Variants in MAP2K4 observed in about 807,000 individuals in gnomAD.
MAP2K4 encodes the protein dual specificity mitogen-activated protein kinase kinase 4.
A neutral mutation model predicts 48.5 loss-of-function variants in MAP2K4; 4 were observed. The ratio of observed to expected loss-of-function variants is 0.08; its 90% CI spans 0.04 to 0.19. The LOEUF is 0.19. MAP2K4 is among the 10% of genes least tolerant of loss of function. The pLI is 1.00. For synonymous variants in MAP2K4, 166 were observed against 173.1 expected, an observed-to-expected ratio of 0.96 and a Z score of 0.32; for missense variants, 258 against 493.3, an observed-to-expected ratio of 0.52 and a Z score of 4.52.
intron 2 of MAP2K4, among the ~76,000 whole-genome samples, chr17:12,064,426 C>G (rs1046967888): frequency 2.0e-5 from 3 of 152,146 alleles, no homozygotes; most frequent in Non-Finnish European, 2.9e-5. Context: ...CTGATAGACA[C>G]TTCACAAAGA....
chr17:12,053,723 T>C (rs1356160138), intron 1 of MAP2K4, among the ~76,000 whole-genome samples: 1 of 152,058 alleles, frequency 6.6e-6, no homozygotes, highest in Non-Finnish European at 1.5e-5. Context: ...AAAGGAGGCT[T>C]ATCTTTGAAA....
At position 12,057,092 on chromosome 17, in the gene MAP2K4, TA is replaced by T. The variant is rs201275954; in HGVS notation, c.218+2111del. Among the ~76,000 whole-genome samples the T allele has an allele frequency of 2.0e-3, 305 of 150,004 alleles. 1 individual carries two copies. The highest frequency in any genetic ancestry group is 6.8e-3 in the African/African-American group (280 of 41,058). ...CTGGATGCAGGATCCTTTGCAAGAT[TA>T]AAAAAAAAATTGTAAGACAGTGTTC... On this transcript the variant is annotated intron_variant, in intron 2 of 10. Transcript: ENST00000353533.
chr17:12,131,061 C>T (rs979275192), intron 9 of MAP2K4, among the ~76,000 whole-genome samples: 6 of 151,924 alleles, frequency 3.9e-5, no homozygotes, highest in African/African-American at 1.5e-4. Flanking sequence ...AGAATATAAA[C>T]AGATATGCAC....
At chr17:12,029,978 A>T (rs1319109878) in intron 1 of MAP2K4, among the ~76,000 whole-genome samples, 1 of 152,116 alleles carries the variant, frequency 6.6e-6, no homozygotes, top group East Asian at 1.9e-4. Context: ...TGAATATTAT[A>T]TCATAACTAA....
rs557030137 is a variant in MAP2K4 at position 12,085,198 on chromosome 17, T to A, written c.393+3668T>A. 3.3e-5 allele frequency among the ~76,000 whole-genome samples: 5 copies of A among 152,064 alleles called. No homozygotes were observed. In the South Asian group the frequency reaches 1.0e-3, roughly 32 times the overall value. On this transcript the variant is annotated intron_variant, in intron 3 of 10. Coordinates refer to ENST00000353533, the MANE Select transcript of MAP2K4 (RefSeq NM_003010.4). ...CCAAAGAAACGTGAAAAAGTAAGAA[T>A]GAAAATGAGAGGGAGTATAAGGACT...
intron 2 of MAP2K4, among the ~76,000 whole-genome samples, chr17:12,060,515 C>T (rs1970413513): frequency 1.3e-5 from 2 of 152,142 alleles, no homozygotes; most frequent in South Asian, 4.1e-4. Context: ...AGTCCCAGGA[C>T]ATCTCTGGTG....
chr17:12,109,791 A>G (rs1972244525), intron 5 of MAP2K4, among the ~76,000 whole-genome samples: 2 of 152,186 alleles, frequency 1.3e-5, no homozygotes, highest in African/African-American at 2.4e-5. Flanking sequence ...CTTAGTTGAA[A>G]TGGAACCAAC....
At chr17:12,105,258 T>G (rs1972070173) in intron 4 of MAP2K4, among the ~76,000 whole-genome samples, 1 of 152,168 alleles carries the variant, frequency 6.6e-6, no homozygotes, top group African/African-American at 2.4e-5. Flanking sequence ...TTGGGAGAAT[T>G]TGACGTGCTT....
chr17:12,047,605 G>A (rs1166905590), intron 1 of MAP2K4, among the ~76,000 whole-genome samples: 2 of 152,158 alleles, frequency 1.3e-5, no homozygotes, highest in South Asian at 4.1e-4. Context: ...ATTTTTATGG[G>A]AAAGTGGTTT....
chr17:12,086,218 T>A (rs1325478259), intron 3 of MAP2K4, among the ~76,000 whole-genome samples: 16 of 152,214 alleles, frequency 1.1e-4, no homozygotes, highest in Admixed American at 1.0e-3. Context: ...TCTAATATCT[T>A]AGGCCGTCGT....
chr17:12,119,658 A>G (rs191488442), intron 7 of MAP2K4, among the ~76,000 whole-genome samples: 7 of 152,362 alleles, frequency 4.6e-5, no homozygotes, highest in Non-Finnish European at 1.0e-4. Flanking sequence ...ACCAAAAGGA[A>G]TAGAAGTCAT....
chr17:12,117,403 C>G (rs1468872895), intron 7 of MAP2K4, among the ~76,000 whole-genome samples: 2 of 151,744 alleles, frequency 1.3e-5, no homozygotes, highest in Admixed American at 6.6e-5. Flanking sequence ...TTCAGTGTTC[C>G]CAAGGTAAAA....
At chr17:12,107,429 CT>C (rs1470718618) in intron 4 of MAP2K4, among the ~76,000 whole-genome samples, 15 of 113,704 alleles carry the variant, frequency 1.3e-4, no homozygotes, top group African/African-American at 4.1e-4. Flanking sequence ...TATGTAGTCT[CT>C]TAAGATTACT....
chr17:12,050,920 A>G (rs1970121750), intron 1 of MAP2K4, among the ~76,000 whole-genome samples: 1 of 152,056 alleles, frequency 6.6e-6, no homozygotes, highest in Non-Finnish European at 1.5e-5. Context: ...TGATGATTCC[A>G]TGTTTGGGAG....
intron 2 of MAP2K4, among the ~76,000 whole-genome samples, chr17:12,076,934 G>T (rs1057313619): frequency 2.0e-5 from 3 of 151,992 alleles, no homozygotes; most frequent in African/African-American, 4.8e-5. Flanking sequence ...TTTTTGCAGG[G>T]TACTGTGGTA....
intron 3 of MAP2K4, chr17:12,082,013 CTGTT>C (rs749652193): frequency 3.7e-5 from 19 of 516,748 alleles, no homozygotes; most frequent in African/African-American, 1.7e-4. Flanking sequence ...GGCTCGGCTT[CTGTT>C]TGTTTATTTC....
At chr17:12,090,147 A>G (rs1274018567) in intron 3 of MAP2K4, among the ~76,000 whole-genome samples, 3 of 152,042 alleles carry the variant, frequency 2.0e-5, no homozygotes, top group Non-Finnish European at 4.4e-5. Context: ...ATGACCTATT[A>G]TTTTCCCTTT....
chr17:12,028,021 T>G (rs922484014), intron 1 of MAP2K4, among the ~76,000 whole-genome samples: 6 of 152,136 alleles, frequency 3.9e-5, no homozygotes, highest in African/African-American at 1.4e-4. Context: ...GGTTGGACAT[T>G]TTAGATATAT....
At chr17:12,036,881 T>G (rs1255558381) in intron 1 of MAP2K4, among the ~76,000 whole-genome samples, 1 of 141,870 alleles carries the variant, frequency 7.0e-6, no homozygotes, top group Non-Finnish European at 1.6e-5. Flanking sequence ...TAGCTCTTTA[T>G]CACTATCCTC....
Sources: allele counts gnomAD v4.1 joint callset (sites outside exome capture counted in the v4.1 genomes callset), GRCh38; gene constraint gnomAD v4.1.1; transcripts MANE v1.5; gene names NCBI Gene and HGNC (gene_info 2026-07-23, HGNC 2026-07-21).